RGS22: variants seen among roughly 807,000 people sequenced by gnomAD.
RGS22 encodes the protein regulator of G protein signaling 22, also known as regulator of G-protein signaling 22.
RGS22 carries 148 observed loss-of-function variants against 172.9 expected under a neutral mutation model. The ratio of observed to expected loss-of-function variants is 0.86; its 90% CI spans 0.75 to 0.98. The LOEUF (loss-of-function observed/expected upper bound fraction) is 0.98, where lower values mean the gene tolerates loss of function less well. Among genes scored for constraint, RGS22 ranks in the 50% least tolerant of loss-of-function variants. The pLI is 0.00. For synonymous variants in RGS22, 458 were observed against 480.2 expected (o/e 0.95, Z 0.60); for missense variants, 1,347 against 1,440.8 (o/e 0.93, Z 1.05).
At chr8:100,104,552 A>T (rs544522615) in intron 2 of RGS22, among the ~76,000 whole-genome samples, 1 of 152,226 alleles carries the variant, frequency 6.6e-6, no homozygotes, top group Non-Finnish European at 1.5e-5. Context: ...CCACCCGCGC[A>T]CACAGGCTTA....
chr8:99,995,511 T>C (rs999639244), intron 20 of RGS22, among the ~76,000 whole-genome samples: 1 of 152,180 alleles, frequency 6.6e-6, no homozygotes, highest in Non-Finnish European at 1.5e-5. Flanking sequence ...CATGAAAATA[T>C]GCTCATCATC....
Position 99,971,083 on chromosome 8 carries a change from C to T in RGS22, c.3520-5653G>A, listed in dbSNP as rs1811286551. Among the ~76,000 whole-genome samples, 3 of 152,204 alleles carry T rather than the reference C, an allele frequency of 2.0e-5. No homozygotes were observed. In the South Asian group the frequency reaches 6.2e-4, roughly 31 times the overall value. ...CAAGGCTGGTTCAACATATGCAAAT[C>T]AATAAACATAATCCACCACATAAAC... On this transcript the variant is annotated intron_variant, in intron 23 of 27. Coordinates refer to ENST00000360863, the MANE Select transcript of RGS22 (RefSeq NM_015668.5).
chr8:100,024,352 T>A (rs1021550950), intron 14 of RGS22, among the ~76,000 whole-genome samples: 2 of 152,102 alleles, frequency 1.3e-5, no homozygotes, highest in East Asian at 3.8e-4. Flanking sequence ...CACATAAAAT[T>A]TTTCTTAAAA....
At chr8:99,986,566 C>A (rs1229642147) in intron 21 of RGS22, among the ~76,000 whole-genome samples, 2 of 152,146 alleles carry the variant, frequency 1.3e-5, no homozygotes, top group Non-Finnish European at 2.9e-5. Flanking sequence ...TACAACATTT[C>A]TTTATTCAAG....
intron 18 of RGS22, 97 bp from the exon 19 acceptor site, chr8:99,999,517 A>AC: frequency 9.8e-6 from 13 of 1,327,416 alleles, no homozygotes; most frequent in Non-Finnish European, 1.3e-5. Context: ...CATTTGCTGC[A>AC]CCCTGAGGGG....
chr8:100,072,166 CT>C lies in RGS22; in HGVS notation c.403del (p.Ser135ValfsTer9). On this transcript the variant is annotated frameshift_variant, in exon 5 of 28. Coordinates refer to ENST00000360863, the MANE Select transcript of RGS22 (RefSeq NM_015668.5). LOFTEE classifies it high-confidence loss of function. ...GTACCTGTATTCAAAGTAACAATCA[CT>C]TTCCAGAAATGCTGGAAGTCTTTCT... ...KKERLPAFLE[S>X]DCYFEYRLAK... 6.2e-7 allele frequency: 1 copy of C among 1,600,512 alleles called. No individual in the cohort carries two copies. The highest frequency in any genetic ancestry group is 8.5e-7 in the Non-Finnish European group (1 of 1,172,012).
intron 23 of RGS22, 39 bp downstream of exon 23, chr8:99,977,878 T>C: frequency 3.3e-6 from 5 of 1,514,834 alleles, no homozygotes; most frequent in African/African-American, 1.4e-5. Context: ...CACATAACTT[T>C]TAAAAGTCTG....
intron 2 of RGS22, among the ~76,000 whole-genome samples, chr8:100,094,625 A>C (rs769538259): frequency 1.2e-4 from 19 of 152,250 alleles, no homozygotes; most frequent in Admixed American, 5.9e-4. Flanking sequence ...AGGATTTAAT[A>C]AATTTACTAC....
intron 2 of RGS22, 66 bp from the exon 3 acceptor site, chr8:100,093,575 C>G: frequency 1.9e-6 from 2 of 1,067,148 alleles, no homozygotes. Context: ...CTATATTATT[C>G]TCTATTTCTG....
At chr8:99,998,347 A>G (rs1024273454) in intron 19 of RGS22, among the ~76,000 whole-genome samples, 8 of 152,302 alleles carry the variant, frequency 5.3e-5, no homozygotes, top group African/African-American at 1.9e-4. Flanking sequence ...AATTTTTCAA[A>G]TGAGGAAACA....
chr8:100,051,627 A>G lies in RGS22; in HGVS notation c.1689+1175T>C, dbSNP rs1204678371. Among the ~76,000 whole-genome samples the G allele has an allele frequency of 5.6e-4, 30 of 53,410 alleles. 6 individuals carry two copies. The highest frequency in any genetic ancestry group is 1.4e-3 in the Admixed American group (4 of 2,776). The allele number at this position is 53,410 out of a possible 152,430, so 35.0% of individuals were successfully genotyped here. Reference sequence around the variant, plus strand: ...TTTATATATGTTTATACATATATAAATATATATTTATATATGTTTATACAT... The same window carrying G: ...TTTATATATGTTTATACATATATAAGTATATATTTATATATGTTTATACAT... On this transcript the variant is annotated intron_variant, in intron 10 of 27. Coordinates refer to ENST00000360863, the MANE Select transcript of RGS22 (RefSeq NM_015668.5).
intron 14 of RGS22, among the ~76,000 whole-genome samples, chr8:100,036,652 G>C (rs559913873): frequency 6.3e-4 from 96 of 152,290 alleles, no homozygotes; most frequent in African/African-American, 2.1e-3. Flanking sequence ...AGACTGGAGA[G>C]TGGTGGCGCA....
chr8:100,009,509 CTAAT>C (rs1285249616), intron 14 of RGS22, among the ~76,000 whole-genome samples: 1 of 150,548 alleles, frequency 6.6e-6, no homozygotes, highest in Non-Finnish European at 1.5e-5. Flanking sequence ...TTCCATTCTA[CTAAT>C]TGTCATGTCT....
At chr8:100,070,550 C>G (rs975573505) in intron 6 of RGS22, among the ~76,000 whole-genome samples, 1 of 152,136 alleles carries the variant, frequency 6.6e-6, no homozygotes, top group Admixed American at 6.5e-5. Context: ...AATTAAGGAA[C>G]ACTGTTTTCC....
At chr8:100,048,593 A>G (rs1346339395) in intron 10 of RGS22, among the ~76,000 whole-genome samples, 1 of 152,126 alleles carries the variant, frequency 6.6e-6, no homozygotes, top group Non-Finnish European at 1.5e-5. Flanking sequence ...TGTAATAACT[A>G]CTAATAATTT....
chr8:100,041,504 AT>A (rs1289592069), intron 12 of RGS22, among the ~76,000 whole-genome samples: 35 of 151,524 alleles, frequency 2.3e-4, no homozygotes, highest in Non-Finnish European at 4.4e-4. Context: ...AAAAAAAAAA[AT>A]TCTAGGCTTC....
intron 14 of RGS22, among the ~76,000 whole-genome samples, chr8:100,026,034 T>C (rs1818138269): frequency 1.3e-5 from 2 of 151,910 alleles, no homozygotes; most frequent in Admixed American, 6.7e-5. Context: ...TAGTAGGTGT[T>C]TGGTAAATGT....
intron 2 of RGS22, among the ~76,000 whole-genome samples, chr8:100,098,211 T>C (rs3101316): frequency 0.16 from 24,132 of 152,190 alleles, 2,506 homozygotes; most frequent in African/African-American, 0.29. Context: ...CTGTTTCCTA[T>C]TTATTCTTTT....
intron 14 of RGS22, among the ~76,000 whole-genome samples, chr8:100,036,443 A>G (rs912614342): frequency 5.9e-5 from 9 of 152,142 alleles, no homozygotes; most frequent in African/African-American, 2.2e-4. Context: ...TTCCCCATCT[A>G]GTCTGAATAA....
Sources: gnomAD v4.1 joint callset for allele counts (sites outside exome capture counted in the v4.1 genomes callset) on GRCh38, gnomAD v4.1.1 for gene constraint, MANE v1.5 for transcripts, NCBI Gene and HGNC (gene_info 2026-07-23, HGNC 2026-07-21) for gene names.